KCNIP1: variants seen among roughly 807,000 people sequenced by gnomAD.
KCNIP1 encodes A-type potassium channel modulatory protein KCNIP1.
Under a neutral mutation model 33.0 loss-of-function variants are expected in KCNIP1, and 18 were observed. The ratio of observed to expected loss-of-function variants is 0.55; its 90% CI spans 0.38 to 0.81. The LOEUF (loss-of-function observed/expected upper bound fraction) is 0.81. Ranked by LOEUF, KCNIP1 falls within the 30% of genes least tolerant of loss-of-function variation. KCNIP1 has a pLI of 0.00. For synonymous variants in KCNIP1, 93 were observed against 98.3 expected (o/e 0.95, Z 0.32); for missense variants, 238 against 271.6 (o/e 0.88, Z 0.87).
At chr5:170,624,333 G>A (rs1759730136) in intron 1 of KCNIP1, among the ~76,000 whole-genome samples, 1 of 152,066 alleles carries the variant, frequency 6.6e-6, no homozygotes, top group South Asian at 2.1e-4. Context: ...GCTGAGCTTA[G>A]AGTCAAGTGG....
chr5:170,597,244 C>G (rs1758470499), intron 1 of KCNIP1, among the ~76,000 whole-genome samples: 1 of 152,170 alleles, frequency 6.6e-6, no homozygotes, highest in African/African-American at 2.4e-5. Flanking sequence ...CAGTGACTTG[C>G]AGCTGCAGCA....
At chr5:170,383,403 G>T in intron 1 of KCNIP1, 1 of 600,234 alleles carries the variant, frequency 1.7e-6, no homozygotes, top group Non-Finnish European at 3.0e-6. Context: ...GCTCTTCAAG[G>T]TGCAGCATTA....
At chr5:170,558,698 G>A (rs974258254) in intron 1 of KCNIP1, among the ~76,000 whole-genome samples, 2 of 152,196 alleles carry the variant, frequency 1.3e-5, no homozygotes, top group Non-Finnish European at 1.5e-5. Context: ...TGCTGATTCA[G>A]GGAATTTAAA....
At chr5:170,359,072 T>TG (rs1763430086) in intron 1 of KCNIP1, among the ~76,000 whole-genome samples, 1 of 152,116 alleles carries the variant, frequency 6.6e-6, no homozygotes, top group South Asian at 2.1e-4. Flanking sequence ...ACCTGGGTTA[T>TG]GGGGAAAGGG....
At chr5:170,604,584 T>C (rs1298602767) in intron 1 of KCNIP1, among the ~76,000 whole-genome samples, 2 of 152,104 alleles carry the variant, frequency 1.3e-5, no homozygotes, top group Non-Finnish European at 2.9e-5. Flanking sequence ...ATGTGGGCCA[T>C]TTTGTCCCCA....
At chr5:170,359,487 G>A (rs1763443203) in intron 1 of KCNIP1, among the ~76,000 whole-genome samples, 1 of 152,106 alleles carries the variant, frequency 6.6e-6, no homozygotes, top group Non-Finnish European at 1.5e-5. Flanking sequence ...CCCACCATCC[G>A]AGTCCTGGCT....
At chr5:170,436,928 C>T (rs1283782752) in intron 1 of KCNIP1, among the ~76,000 whole-genome samples, 1 of 152,148 alleles carries the variant, frequency 6.6e-6, no homozygotes, top group Non-Finnish European at 1.5e-5. Context: ...GCTGAGGCAC[C>T]TGTAACAAAA....
chr5:170,500,325 T>C (rs1038630284), upstream of KCNIP1, among the ~76,000 whole-genome samples: 7 of 152,094 alleles, frequency 4.6e-5, no homozygotes, highest in Admixed American at 1.3e-4. Flanking sequence ...GACACAAACA[T>C]TCAGTCCACA....
rs771000686 is a variant in KCNIP1, at chr5:170,700,714, CGGGACACCTGTGGCACACTTCACTCCT to C, written c.62-18033_62-18007del. On this transcript the variant is annotated intron_variant, in intron 1 of 7. Transcript: ENST00000328939. ...TGAGCACGGAGCCAGCTGTGCCCTG[CGGGACACCTGTGGCACACTTCACTCCT>C]GGGACACCTGGGACACGCACACAAT... 5.3e-5 allele frequency among the ~76,000 whole-genome samples: 8 copies of C among 152,198 alleles called. 1 individual carries two copies. The East Asian group carries it at 1.3e-3, about 26-fold the overall frequency.
chr5:170,383,706 C>T (rs775456644), intron 1 of KCNIP1: 10 of 1,614,160 alleles, frequency 6.2e-6, no homozygotes, highest in South Asian at 2.2e-5. Context: ...GAGTGTCCTC[C>T]GTGTGGTACA....
At chr5:170,686,337 A>G (rs578110109) in intron 1 of KCNIP1, among the ~76,000 whole-genome samples, 1 of 152,152 alleles carries the variant, frequency 6.6e-6, no homozygotes, top group Admixed American at 6.5e-5. Flanking sequence ...GAAAGAGGGA[A>G]AGAGGTGAGA....
At chr5:170,387,795 C>A (rs1046392690) in intron 1 of KCNIP1, among the ~76,000 whole-genome samples, 3 of 152,208 alleles carry the variant, frequency 2.0e-5, no homozygotes, top group Admixed American at 2.0e-4. Context: ...ACAGAATCAC[C>A]TGGAGGTAAG....
Position 170,536,527 on chromosome 5 carries a change from A to G in KCNIP1, c.61+31894A>G, listed in dbSNP as rs546901092. 2.6e-5 allele frequency among the ~76,000 whole-genome samples: 4 copies of G among 151,988 alleles called. No homozygotes were observed. The South Asian group carries it at 8.3e-4, about 32-fold the overall frequency. ...TCTCCTTCTCCAACTCTTTCTTTCTAGCTCCACCCTCCCCAAAGAGGAAAC... is the reference window on the plus strand; with the variant it reads ...TCTCCTTCTCCAACTCTTTCTTTCTGGCTCCACCCTCCCCAAAGAGGAAAC... On this transcript the variant is annotated intron_variant, in intron 1 of 7. Transcript: ENST00000328939.
intron 1 of KCNIP1, among the ~76,000 whole-genome samples, chr5:170,470,748 T>G (rs571780032): frequency 6.6e-6 from 1 of 152,268 alleles, no homozygotes; most frequent in Non-Finnish European, 1.5e-5. Flanking sequence ...GATTTTTCAG[T>G]GTTGTGATGG....
chr5:170,688,269 T>A (rs1298815801), intron 1 of KCNIP1, among the ~76,000 whole-genome samples: 1 of 152,146 alleles, frequency 6.6e-6, no homozygotes. Context: ...GAGAAGTACC[T>A]AAATAGAGAT....
intron 1 of KCNIP1, among the ~76,000 whole-genome samples, chr5:170,597,784 A>AATATGTAT (rs1758496436): frequency 7.4e-6 from 1 of 134,434 alleles, no homozygotes; most frequent in African/African-American, 3.1e-5. Flanking sequence ...GAGAGAGATA[A>AATATGTAT]ATATATATAT....
rs1162879242 is a variant in KCNIP1 at position 170,663,470 on chromosome 5, G to A, written c.62-55288G>A. ...ACCAGGCCAGCTGAGGGGGATTTTA[G>A]CCCGAATCCAGGGTTTCTCCTACAG... On this transcript the variant is annotated intron_variant, in intron 1 of 7. Transcript: ENST00000328939. 3.3e-5 allele frequency among the ~76,000 whole-genome samples: 5 copies of A among 152,232 alleles called. No individual in the cohort carries two copies. In the East Asian group the frequency reaches 9.7e-4, roughly 29 times the overall value.
intron 1 of KCNIP1, among the ~76,000 whole-genome samples, chr5:170,386,892 T>C (rs1042143916): frequency 1.3e-5 from 2 of 151,854 alleles, no homozygotes; most frequent in African/African-American, 4.8e-5. Flanking sequence ...GGACATTGAC[T>C]CCACCCCAAT....
Position 170,718,809 on chromosome 5 carries a change from G to A in KCNIP1, c.113G>A (p.Gly38Glu). The part of the protein sequence containing the change: ...EMTMVCHRPE[G>E]LEQLEAQTNF... ...ACCATGGTTTGCCATCGGCCCGAGG[G>A]ACTGGAGCAGCTCGAGGCCCAGACC... The change falls in exon 2 of 8, where the codon GGA becomes GAA. Residue 38 changes from glycine to glutamate, a missense_variant. Physicochemically the swap from Gly to Glu is moderately conservative, Grantham distance 98. Coordinates refer to ENST00000328939, the MANE Select transcript of KCNIP1 (RefSeq NM_014592.4). 1 of 1,611,130 alleles carries A rather than the reference G, an allele frequency of 6.2e-7. No individual in the cohort carries two copies. The highest frequency in any genetic ancestry group is 8.5e-7 in the Non-Finnish European group (1 of 1,179,082).
Sources: allele counts gnomAD v4.1 joint callset (sites outside exome capture counted in the v4.1 genomes callset), GRCh38; gene constraint gnomAD v4.1.1; transcripts MANE v1.5; gene names NCBI Gene and HGNC (gene_info 2026-07-23, HGNC 2026-07-21).